The following DOCK1 variants were observed in gnomAD, a reference collection of about 807,000 sequenced individuals.
DOCK1 encodes dedicator of cytokinesis protein 1.
DOCK1 carries 138 observed loss-of-function variants against 262.7 expected under a neutral mutation model. That is an observed-to-expected ratio of 0.53 (90% CI 0.46 to 0.61). DOCK1 has a LOEUF of 0.61. DOCK1 is among the 20% of genes least tolerant of loss of function. DOCK1 has a pLI of 0.00. For synonymous variants in DOCK1, 866 were observed against 867.4 expected, an observed-to-expected ratio of 1.00 and a Z score of 0.03; for missense variants, 1,908 against 2,370.7, an observed-to-expected ratio of 0.80 and a Z score of 4.05.
intron 1 of DOCK1, among the ~76,000 whole-genome samples, chr10:126,920,314 A>G (rs1820166138): frequency 1.3e-5 from 2 of 152,218 alleles, no homozygotes; most frequent in African/African-American, 4.8e-5. Context: ...CCAGTAAAAC[A>G]CTTTCCTAGT....
chr10:127,399,813 G>A (rs2067117262), intron 38 of DOCK1, among the ~76,000 whole-genome samples: 2 of 152,302 alleles, frequency 1.3e-5, no homozygotes, highest in South Asian at 4.1e-4. Context: ...ATGGAAATCT[G>A]CTCAGAGAGG....
At chr10:127,163,022 G>T (rs1228209907) in intron 27 of DOCK1, among the ~76,000 whole-genome samples, 1 of 152,182 alleles carries the variant, frequency 6.6e-6, no homozygotes, top group Non-Finnish European at 1.5e-5. Flanking sequence ...CTTGGTCCGG[G>T]CCCGGCTTCT....
At chr10:126,913,125 A>T (rs1178990698) in intron 1 of DOCK1, among the ~76,000 whole-genome samples, 1 of 152,164 alleles carries the variant, frequency 6.6e-6, no homozygotes, top group Non-Finnish European at 1.5e-5. Context: ...GTGACAGAAC[A>T]ATGCAATCAG....
At chr10:127,128,247 C>T (rs1385304182) in intron 27 of DOCK1, among the ~76,000 whole-genome samples, 1 of 151,832 alleles carries the variant, frequency 6.6e-6, no homozygotes, top group Non-Finnish European at 1.5e-5. Flanking sequence ...GATCATGGTG[C>T]CTTTTCCCAG....
chr10:126,948,107 T>TTGG (rs2035712880), intron 1 of DOCK1, among the ~76,000 whole-genome samples: 4 of 112,242 alleles, frequency 3.6e-5, no homozygotes, highest in Non-Finnish European at 5.7e-5. Flanking sequence ...AGTATTACTG[T>TTGG]TGGTGGTGAT....
At chr10:127,241,685 A>G (rs958557973) in intron 27 of DOCK1, among the ~76,000 whole-genome samples, 2 of 152,162 alleles carry the variant, frequency 1.3e-5, no homozygotes, top group Non-Finnish European at 2.9e-5. Context: ...AGGAGGGGTT[A>G]GTTTAAGCCT....
In DOCK1 at chr10:127,360,344, C is replaced by T. The variant is rs533470391; in HGVS notation, c.3284-1720C>T. On this transcript the variant is annotated intron_variant, in intron 32 of 51. Transcript: ENST00000623213. ...TCCCCGGCTGGGGTGAGCACAATGG[C>T]GGCCAACCCACAACTAGCAGGAGGG... Among the ~76,000 whole-genome samples the T allele has an allele frequency of 1.1e-4, 16 of 150,312 alleles. No individual in the cohort carries two copies. In the East Asian group the frequency reaches 2.2e-3, roughly 20 times the overall value.
intron 29 of DOCK1, among the ~76,000 whole-genome samples, chr10:127,298,751 G>A (rs1321386504): frequency 6.6e-6 from 1 of 152,194 alleles, no homozygotes; most frequent in Non-Finnish European, 1.5e-5. Flanking sequence ...AAAGCCCAGG[G>A]CCTGCAGTTA....
At chr10:127,249,447 ACACACACACACACACG>A (rs1197498186) in intron 28 of DOCK1, among the ~76,000 whole-genome samples, 1 of 151,766 alleles carries the variant, frequency 6.6e-6, no homozygotes, top group East Asian at 1.9e-4. Flanking sequence ...ACACACACAC[ACACACACACACACACG>A]CAGTCGTGTG....
intron 42 of DOCK1, among the ~76,000 whole-genome samples, chr10:127,409,748 A>G (rs2067735391): frequency 1.3e-5 from 2 of 152,280 alleles, no homozygotes. Flanking sequence ...GCCTGTTCCC[A>G]GCAAAGCCAA....
At chr10:127,032,394 T>C (rs749361666) in intron 18 of DOCK1, 74 bp downstream of exon 18, 20 of 1,430,416 alleles carry the variant, frequency 1.4e-5, no homozygotes, top group Non-Finnish European at 1.8e-5. Flanking sequence ...CTCCTTCCTA[T>C]GTGGAGGTGT....
intron 40 of DOCK1, among the ~76,000 whole-genome samples, chr10:127,406,475 C>T (rs1398517994): frequency 6.6e-6 from 1 of 152,206 alleles, no homozygotes; most frequent in Non-Finnish European, 1.5e-5. Flanking sequence ...TGTGGGTCTG[C>T]AGCAATATAT....
chr10:127,266,457 A>G (rs1028555946), intron 29 of DOCK1, among the ~76,000 whole-genome samples: 2 of 149,098 alleles, frequency 1.3e-5, no homozygotes, highest in African/African-American at 2.5e-5. Flanking sequence ...GTTGACAGCA[A>G]AACACAACTA....
In DOCK1 at chr10:127,013,902, C is replaced by T. The variant is rs376470717; in HGVS notation, c.1201+1528C>T. Among the ~76,000 whole-genome samples the T allele has an allele frequency of 1.1e-4, 17 of 152,352 alleles. No individual in the cohort carries two copies. The East Asian group carries it at 2.3e-3, about 21-fold the overall frequency. ...GGCCAGTGAGGGCAGCCACACAGAT[C>T]GGCCGCCGGGACTGCAGGGCGCTGC... On this transcript the variant is annotated intron_variant, in intron 12 of 51. Transcript: ENST00000623213.
intron 27 of DOCK1, among the ~76,000 whole-genome samples, chr10:127,227,266 TTAG>T (rs2058678018): frequency 6.6e-6 from 1 of 152,118 alleles, no homozygotes; most frequent in African/African-American, 2.4e-5. Context: ...ACAAATACAC[TTAG>T]TAGGTGAGGC....
rs190132370 is a variant in DOCK1, at chr10:127,226,172, T to A, written c.2848-21836T>A. On this transcript the variant is annotated intron_variant, in intron 27 of 51. Coordinates refer to ENST00000623213, the MANE Select transcript of DOCK1 (RefSeq NM_001290223.2). ...GGAGTTTCCTAATCATCAGTTTTTT[T>A]CTCTGTCATTTTGAGCTTCCTGGAA... Among the ~76,000 whole-genome samples, 165 of 150,784 alleles carry A rather than the reference T, an allele frequency of 1.1e-3. 1 individual carries two copies. The Middle Eastern group carries it at 0.014, about 13-fold the overall frequency.
intron 27 of DOCK1, among the ~76,000 whole-genome samples, chr10:127,216,768 CA>C (rs564230989): frequency 1.7e-3 from 255 of 152,240 alleles, no homozygotes; most frequent in African/African-American, 6.0e-3. Flanking sequence ...CATGACTTTT[CA>C]AGGTTGGTGA....
intron 24 of DOCK1, 87 bp downstream of exon 24, chr10:127,106,388 C>A: frequency 7.1e-7 from 1 of 1,413,748 alleles, no homozygotes; most frequent in South Asian, 1.3e-5. Context: ...GCTCAGGGTT[C>A]TGCCTCATGT....
chr10:127,033,063 G>A (rs1397274072), intron 18 of DOCK1, among the ~76,000 whole-genome samples: 1 of 152,176 alleles, frequency 6.6e-6, no homozygotes, highest in African/African-American at 2.4e-5. Flanking sequence ...CTTGTCTGTC[G>A]ATACGGGAAT....
Sources: gnomAD v4.1 joint callset for allele counts (sites outside exome capture counted in the v4.1 genomes callset) on GRCh38, gnomAD v4.1.1 for gene constraint, MANE v1.5 for transcripts, NCBI Gene and HGNC (gene_info 2026-07-23, HGNC 2026-07-21) for gene names.